Variants in LTV1 observed in about 807,000 individuals in gnomAD.
The protein encoded by LTV1 is LTV1 ribosome biogenesis factor.
Under a neutral mutation model 59.9 loss-of-function variants are expected in LTV1, and 39 were observed. The observed-to-expected ratio is 0.65, with a 90% CI of 0.50 to 0.85. The LOEUF (loss-of-function observed/expected upper bound fraction) is 0.85, where lower values mean the gene tolerates loss of function less well. LTV1 is among the 40% of genes least tolerant of loss of function. The probability of loss-of-function intolerance (pLI) is 0.00; values close to 1 mark genes in which losing one functional copy is unlikely to be tolerated. For synonymous variants in LTV1, 171 were observed against 189.5 expected (o/e 0.90, Z 0.80); for missense variants, 493 against 549.1 (o/e 0.90, Z 1.02).
chr6:143,852,405 T>G (rs1776998556), intron 4 of LTV1, among the ~76,000 whole-genome samples: 1 of 152,246 alleles, frequency 6.6e-6, no homozygotes, highest in Non-Finnish European at 1.5e-5. Context: ...TTTTGCCCAC[T>G]TTTCAATGGG....
At chr6:143,843,591 C>T in intron 1 of LTV1, 111 bp downstream of exon 1, 3 of 1,399,838 alleles carry the variant, frequency 2.1e-6, no homozygotes, top group Non-Finnish European at 3.0e-6. Context: ...ATGCCAGAGG[C>T]TGCTTGCGGC....
intron 6 of LTV1, among the ~76,000 whole-genome samples, chr6:143,860,132 C>T (rs1047117): frequency 4.6e-5 from 7 of 152,068 alleles, no homozygotes; most frequent in Non-Finnish European, 8.8e-5. Context: ...AATGTTCTGA[C>T]GTAATCTGTG....
chr6:143,849,926 CCT>C (rs914474967), intron 3 of LTV1, among the ~76,000 whole-genome samples: 98 of 152,156 alleles, frequency 6.4e-4, no homozygotes, highest in Non-Finnish European at 8.2e-4. Context: ...GGCATTCTCC[CCT>C]GTGAGTCTCT....
Position 143,844,596 on chromosome 6 carries a change from G to A in LTV1, c.114G>A (p.Arg38=). The change falls in exon 2 of 11, where the codon AGG becomes AGA. Residue 38 remains arginine (R), a synonymous_variant. Transcript: ENST00000367576. The part of the protein sequence containing the change: ...PLAADESAPQ[R]VLLPTQKIDN... ...CAGCAGATGAGAGTGCACCCCAGAGGGTTCTATTGCCCACACAAAAAGTAG... is the reference window on the plus strand; with the variant it reads ...CAGCAGATGAGAGTGCACCCCAGAGAGTTCTATTGCCCACACAAAAAGTAG... 1 of 1,613,854 alleles carries A rather than the reference G, an allele frequency of 6.2e-7. No homozygotes were observed. Among genetic ancestry groups the A allele is most frequent in the South Asian group, 1.1e-5 (1 of 91,044 alleles).
intron 4 of LTV1, among the ~76,000 whole-genome samples, chr6:143,850,663 A>G (rs1266608885): frequency 6.6e-6 from 1 of 152,216 alleles, no homozygotes; most frequent in Admixed American, 6.5e-5. Flanking sequence ...TAGTACCAAC[A>G]CTGTATTTCA....
chr6:143,858,007 G>A lies in LTV1; in HGVS notation c.795G>A (p.Lys265=), dbSNP rs116996363. ...CCCTACATGATGAGAGGTTTGAGAA[G>A]GTAAGGTCCCCACATAAGGGATGCT... The part of the protein sequence containing the change: ...QLTLHDERFE[K]FYEQYDDDEI... The change falls in exon 6 of 11, where the codon AAG becomes AAA. Residue 265 remains lysine (K), a splice_region_variant and synonymous_variant. Coordinates refer to ENST00000367576, the MANE Select transcript of LTV1 (RefSeq NM_032860.5). 2.4e-4 allele frequency: 391 copies of A among 1,613,894 alleles called. 1 individual carries two copies. The East Asian group carries it at 6.6e-3, about 27-fold the overall frequency.
At position 143,863,082 on chromosome 6, in the gene LTV1, T is replaced by C; in HGVS notation, c.1117-4T>C. 1 of 1,612,298 alleles carries C rather than the reference T, an allele frequency of 6.2e-7. No homozygotes were observed. The highest frequency in any genetic ancestry group is 2.2e-5 in the East Asian group (1 of 44,810). On this transcript the variant is annotated splice_polypyrimidine_tract_variant and splice_region_variant and intron_variant, in intron 9 of 10. Transcript: ENST00000367576. The surrounding 1 kb of genome is among the most constrained non-coding windows in gnomAD (Gnocchi z 4.5). ...ACTCTAGTACCATTTTATCTGTATT[T>C]CAGCCCAAACAAATTCGAATATCTT...
chr6:143,860,688 G>A, intron 7 of LTV1, 135 bp downstream of exon 7: 24 of 734,380 alleles, frequency 3.3e-5, no homozygotes, highest in South Asian at 1.4e-4. Flanking sequence ...AAATGAAAAA[G>A]GAAAAAAGAA....
At position 143,857,537 on chromosome 6, in the gene LTV1, C is replaced by T. The variant is rs1777097298; in HGVS notation, c.539+93C>T. Reference sequence around the variant, plus strand: ...ATAGAACGTTACAGTTGGAAGAGACCTTCAAGAGCATTTAATCTGAGACTT... The same window carrying T: ...ATAGAACGTTACAGTTGGAAGAGACTTTCAAGAGCATTTAATCTGAGACTT... On this transcript the variant is annotated intron_variant, in intron 5 of 10. Coordinates refer to ENST00000367576, the MANE Select transcript of LTV1 (RefSeq NM_032860.5). This position sits in a 1 kb window ranked among gnomAD's most constrained non-coding sequence, Gnocchi z 5.2. 1.6e-6 allele frequency: 2 copies of T among 1,221,614 alleles called. No individual in the cohort carries two copies. The highest frequency in any genetic ancestry group is 2.3e-6 in the Non-Finnish European group (2 of 852,562). The allele number at this position is 1,221,614 out of a possible 1,614,324, so 75.7% of individuals were successfully genotyped here.
chr6:143,860,485 T>G lies in LTV1; in HGVS notation c.855T>G (p.Gly285=). ...CTCTGGATAATGCAGAATTGGAAGG[T>G]TCTATTCAAGTGGACAGCAATCGCT... is the stretch of plus-strand genomic sequence containing the variant. ...IGALDNAELE[G]SIQVDSNRLQ... is the part of the protein sequence containing the mutation. The change falls in exon 7 of 11, where the codon GGT becomes GGG. Residue 285 remains glycine, a synonymous_variant. Coordinates refer to ENST00000367576, the MANE Select transcript of LTV1 (RefSeq NM_032860.5). 1 of 1,613,682 alleles carries G rather than the reference T, an allele frequency of 6.2e-7. No individual in the cohort carries two copies. The highest frequency in any genetic ancestry group is 1.1e-5 in the South Asian group (1 of 91,056).
At chr6:143,848,424 A>C (rs1305571693) in intron 3 of LTV1, among the ~76,000 whole-genome samples, 1 of 152,214 alleles carries the variant, frequency 6.6e-6, no homozygotes, top group Non-Finnish European at 1.5e-5. Context: ...TGCTACTGAG[A>C]AACTCATTTT....
chr6:143,856,575 T>C (rs928352189), intron 4 of LTV1, among the ~76,000 whole-genome samples: 1 of 152,226 alleles, frequency 6.6e-6, no homozygotes, highest in African/African-American at 2.4e-5. Flanking sequence ...CTTGGATTTA[T>C]CTACCTTTGG....
rs77248328 is a variant in LTV1 at position 143,862,214 on chromosome 6, A to G, written c.1034A>G (p.Lys345Arg). 1,676 of 1,613,508 alleles carry G rather than the reference A, an allele frequency of 1.0e-3. 21 individuals carry two copies. In the African/African-American group the frequency reaches 0.02, roughly 19 times the overall value. Residue 345 changes from lysine (K) to arginine (R), a missense_variant, in exon 8 of 11, where the codon AAA (lysine) becomes AGA (arginine). Transcript: ENST00000367576. The surrounding 1 kb of genome is among the most constrained non-coding windows in gnomAD (Gnocchi z 4.2). Reference sequence around the variant, plus strand: ...ATTACTGTAGTCCTTGAAGAAGCCAAAGAGAAGTGGGATTGTGAATCTATT... The same window carrying G: ...ATTACTGTAGTCCTTGAAGAAGCCAGAGAGAAGTGGGATTGTGAATCTATT... Reference protein sequence around the residue: ...EMITVVLEEAKEKWDCESICS... With the variant: ...EMITVVLEEAREKWDCESICS...
intron 3 of LTV1, among the ~76,000 whole-genome samples, chr6:143,847,663 A>T (rs1339938905): frequency 6.6e-6 from 1 of 152,232 alleles, no homozygotes; most frequent in Non-Finnish European, 1.5e-5. Flanking sequence ...GCCCGGTCGT[A>T]TAAGACTAAC....
In LTV1 at chr6:143,857,113, AT is replaced by A. The variant is rs1390914727; in HGVS notation, c.398-186del. On this transcript the variant is annotated intron_variant, in intron 4 of 10. Transcript: ENST00000367576. The surrounding 1 kb of genome is among the most constrained non-coding windows in gnomAD (Gnocchi z 5.2). ...AGGTCCTGACTGGGGCTGAGGCAGC[AT>A]TTTGTTTCCTTTTTTTGTCTTGGAG... is the stretch of plus-strand genomic sequence containing the variant. Among the ~76,000 whole-genome samples, 1 of 152,170 alleles carries A rather than the reference AT, an allele frequency of 6.6e-6. No individual in the cohort carries two copies. The highest frequency in any genetic ancestry group is 1.5e-5 in the Non-Finnish European group (1 of 68,020).
chr6:143,853,143 T>G (rs1460894860), intron 4 of LTV1, among the ~76,000 whole-genome samples: 1 of 152,232 alleles, frequency 6.6e-6, no homozygotes, highest in Non-Finnish European at 1.5e-5. Context: ...CTGATTTCTT[T>G]GAGCAGTGGT....
Position 143,863,094 on chromosome 6 carries a change from A to G in LTV1, c.1125A>G (p.Gln375=), listed in dbSNP as rs1195581000. Reference sequence around the variant, plus strand: ...TTTTATCTGTATTTCAGCCCAAACAAATTCGAATATCTTCTAAAACAGGAA... The same window carrying G: ...TTTTATCTGTATTTCAGCCCAAACAGATTCGAATATCTTCTAAAACAGGAA... ...QLIKYQPKPK[Q]IRISSKTGIP... Residue 375 remains glutamine, a synonymous_variant, in exon 10 of 11, where the codon CAA becomes CAG. Transcript: ENST00000367576. This position sits in a 1 kb window ranked among gnomAD's most constrained non-coding sequence, Gnocchi z 4.5. 8 of 1,613,536 alleles carry G rather than the reference A, an allele frequency of 5.0e-6. No individual in the cohort carries two copies. The highest frequency in any genetic ancestry group is 6.8e-6 in the Non-Finnish European group (8 of 1,179,640).
chr6:143,852,805 A>G (rs1777006983), intron 4 of LTV1, among the ~76,000 whole-genome samples: 1 of 152,124 alleles, frequency 6.6e-6, no homozygotes, highest in African/African-American at 2.4e-5. Context: ...AGTTTTCCCA[A>G]TGCCATTTAT....
Position 143,857,822 on chromosome 6 carries a change from T to C in LTV1, c.610T>C (p.Tyr204His). ...TGAGAAGGGAGATAGCAATGATGAC[T>C]ATGACTCTGCAGGCCTATTGTCAGA... ...DDEKGDSNDD[Y>H]DSAGLLSDED... The change falls in exon 6 of 11, where the codon TAT (tyrosine) becomes CAT (histidine). Residue 204 changes from tyrosine (Y) to histidine (H), a missense_variant. Coordinates refer to ENST00000367576, the MANE Select transcript of LTV1 (RefSeq NM_032860.5). This position sits in a 1 kb window ranked among gnomAD's most constrained non-coding sequence, Gnocchi z 5.2. 6.2e-7 allele frequency: 1 copy of C among 1,614,028 alleles called. No homozygotes were observed. Among genetic ancestry groups the C allele is most frequent in the Non-Finnish European group, 8.5e-7 (1 of 1,179,896 alleles).
Sources: allele counts gnomAD v4.1 joint callset (sites outside exome capture counted in the v4.1 genomes callset), GRCh38; gene constraint gnomAD v4.1.1; non-coding constraint Gnocchi (gnomAD v3.1); transcripts MANE v1.5; gene names NCBI Gene and HGNC (gene_info 2026-07-23, HGNC 2026-07-21).